Variants in HAUS7 observed in about 807,000 individuals in gnomAD.
HAUS7 encodes the protein HAUS augmin-like complex subunit 7.
HAUS7 carries 3 observed loss-of-function variants against 28.4 expected under a neutral mutation model. That is an observed-to-expected ratio of 0.11 (90% CI 0.05 to 0.27). HAUS7 has a LOEUF of 0.27. HAUS7 is among the 10% of genes least tolerant of loss of function. The pLI, the probability that HAUS7 is intolerant of heterozygous loss-of-function variation, is 1.00. For synonymous variants in HAUS7, 165 were observed against 132.1 expected (o/e 1.25, Z -1.71); for missense variants, 284 against 297.3 (o/e 0.96, Z 0.33).
chrX:153,465,312 C>CAAA (rs72146941), intron 2 of HAUS7, among the ~76,000 whole-genome samples: 11 of 57,132 alleles, frequency 1.9e-4, no homozygotes, highest in Non-Finnish European at 2.5e-4. Context: ...TTCTCAAGAC[C>CAAA]AAAAAAAAAA....
rs782725800 is a variant in HAUS7 at position 153,454,436 on chromosome X, C to G, written c.1003G>C (p.Glu335Gln). The part of the protein sequence containing the change: ...AVETVKKQQG[E>Q]QICWGGSSSV... ...CTGCTGCCACCCCAGCAGATCTGCT[C>G]GCCTTGCTGCTTCTTCACGGTCTCC... is the stretch of plus-strand genomic sequence containing the variant. The change falls in exon 9 of 10, where the codon GAG (glutamate) becomes CAG (glutamine). Residue 335 changes from glutamate (E) to glutamine (Q), a missense_variant. Transcript: ENST00000370211. 2 of 1,169,502 alleles carry G rather than the reference C, an allele frequency of 1.7e-6. No individual in the cohort carries two copies. Among genetic ancestry groups the G allele is most frequent in the Non-Finnish European group, 1.2e-6 (1 of 868,908 alleles).
chrX:153,495,227 G>A (rs1270333439), intron 1 of HAUS7: 3 of 111,393 alleles, frequency 2.7e-5, no homozygotes, highest in Non-Finnish European at 5.7e-5. Context: ...GGTGTCCACA[G>A]ATTTCCCCGG....
At chrX:153,478,304 G>A (rs1286509653) in intron 1 of HAUS7, among the ~76,000 whole-genome samples, 4 of 111,768 alleles carry the variant, frequency 3.6e-5, no homozygotes, top group African/African-American at 9.8e-5. Flanking sequence ...TGAGGGTGGC[G>A]GGCTCTAGGA....
At chrX:153,480,520 G>A in intron 1 of HAUS7, 1 of 717,277 alleles carries the variant, frequency 1.4e-6, no homozygotes, top group African/African-American at 2.3e-5. Context: ...CTTTCTAGCA[G>A]CTGACAGCCC....
At chrX:153,452,285 C>T (rs2089249356) in intron 9 of HAUS7, among the ~76,000 whole-genome samples, 1 of 112,097 alleles carries the variant, frequency 8.9e-6, no homozygotes, top group African/African-American at 3.2e-5. Flanking sequence ...TCCGGGATGG[C>T]ATGGAAGGAC....
intron 9 of HAUS7, among the ~76,000 whole-genome samples, chrX:153,449,391 C>T (rs1199861468): frequency 8.9e-6 from 1 of 112,540 alleles, no homozygotes; most frequent in Non-Finnish European, 1.9e-5. Flanking sequence ...CACTCGCCAT[C>T]AGCTTCCAGT....
chrX:153,473,022 T>C (rs2089539396), upstream of HAUS7, among the ~76,000 whole-genome samples: 1 of 112,129 alleles, frequency 8.9e-6, no homozygotes, highest in Non-Finnish European at 1.9e-5. Context: ...CTGGCCCCGC[T>C]GTGCCAGAGA....
intron 4 of HAUS7, among the ~76,000 whole-genome samples, chrX:153,461,093 G>A (rs1346012905): frequency 9.0e-6 from 1 of 110,664 alleles, no homozygotes; most frequent in Non-Finnish European, 1.9e-5. Flanking sequence ...CAGAGCTGAT[G>A]CTGGAAGGAA....
At chrX:153,480,374 A>C (rs1395674819) in intron 1 of HAUS7, among the ~76,000 whole-genome samples, 2 of 105,851 alleles carry the variant, frequency 1.9e-5, no homozygotes, top group African/African-American at 6.8e-5. Context: ...TCTGAGAGGT[A>C]CTCTGGGTTA....
Position 153,470,520 on chromosome X carries a change from T to TCGC in HAUS7, c.35_37dup (p.Gly12dup). ...GTCGCCCTCGTCCTCTGAGTAGTCG[T>TCGC]CGCCGCCACGGCCGCAGCCAGCGTC... On this transcript the variant is annotated inframe_insertion, in exon 1 of 10. Coordinates refer to ENST00000370211, the MANE Select transcript of HAUS7 (RefSeq NM_001385482.1). 1 of 1,200,046 alleles carries TCGC rather than the reference T, an allele frequency of 8.3e-7. No homozygotes were observed. The highest frequency in any genetic ancestry group is 1.1e-6 in the Non-Finnish European group (1 of 889,999).
Position 153,469,350 on chromosome X carries a change from C to T in HAUS7, c.109-89G>A, listed in dbSNP as rs868937773. 4.3e-4 allele frequency: 199 copies of T among 465,296 alleles called. No individual in the cohort carries two copies. In the African/African-American group the frequency reaches 4.4e-3, roughly 10 times the overall value. The allele number at this position is 465,296 out of a possible 1,213,427, so 38.3% of individuals were successfully genotyped here. A position where few individuals can be genotyped will look rare whatever the true frequency, so the allele number is the denominator to read the frequency against. On this transcript the variant is annotated intron_variant, in intron 1 of 9. Transcript: ENST00000370211. ...TATTTATTTATTTTTGAGACGGAGT[C>T]TCACTCTGTCGCCCAGCCTGGATGG...
chrX:153,454,915 G>A (rs1556981751), intron 8 of HAUS7: 3 of 1,037,731 alleles, frequency 2.9e-6, no homozygotes, highest in Non-Finnish European at 3.8e-6. Flanking sequence ...CAGCCAGTCA[G>A]AGGTTGGAAG....
At chrX:153,490,983 T>C (rs2089668095) in intron 1 of HAUS7, among the ~76,000 whole-genome samples, 1 of 111,709 alleles carries the variant, frequency 9.0e-6, no homozygotes, top group Admixed American at 9.4e-5. Context: ...TCTCCCTCTG[T>C]CTCTCCGTCC....
chrX:153,454,807 C>T (rs965802839), intron 8 of HAUS7: 1 of 760,936 alleles, frequency 1.3e-6, no homozygotes, highest in Non-Finnish European at 1.9e-6. Context: ...GTCCTCCCAG[C>T]CCCAGCAATT....
At chrX:153,486,166 A>G (rs781927539) in intron 1 of HAUS7, 238 of 773,624 alleles carry the variant, frequency 3.1e-4, no homozygotes, top group Non-Finnish European at 3.8e-4. Flanking sequence ...CACACAGAGG[A>G]AGAGGTACCC....
chrX:153,486,946 A>G (rs2089642739), intron 1 of HAUS7: 1 of 516,658 alleles, frequency 1.9e-6, no homozygotes, highest in Non-Finnish European at 2.7e-6. Context: ...CCCACTTCCC[A>G]TTGACTGGTG....
intron 1 of HAUS7, among the ~76,000 whole-genome samples, chrX:153,476,477 A>C (rs3020971): frequency 8.9e-6 from 1 of 111,741 alleles, no homozygotes; most frequent in African/African-American, 3.3e-5. Context: ...GTGTGTGAAG[A>C]GTGGGCTACA....
rs2089327860 is a variant in HAUS7 at position 153,457,331 on chromosome X, C to T, written c.355-103G>A. On this transcript the variant is annotated intron_variant, in intron 4 of 9. Transcript: ENST00000370211. ...CCCACATGCCACCCATGCCAGGAGC[C>T]AGGGGAAAGGAGGGGCCTGGCCCAT... 2.0e-5 allele frequency: 11 copies of T among 558,106 alleles called. No homozygotes were observed. In the South Asian group the frequency reaches 3.0e-4, roughly 15 times the overall value. The allele number at this position is 558,106 out of a possible 1,213,427, so 46.0% of individuals were successfully genotyped here.
chrX:153,476,045 G>A (rs1463053136), intron 1 of HAUS7, among the ~76,000 whole-genome samples: 1 of 111,795 alleles, frequency 8.9e-6, no homozygotes, highest in South Asian at 3.8e-4. Flanking sequence ...GAGGGGGGCC[G>A]GATCCTGTGA....
Sources: allele counts gnomAD v4.1 joint callset (sites outside exome capture counted in the v4.1 genomes callset), GRCh38; gene constraint gnomAD v4.1.1; transcripts MANE v1.5; gene names NCBI Gene and HGNC (gene_info 2026-07-23, HGNC 2026-07-21).